FAM13C: variants seen among roughly 807,000 people sequenced by gnomAD.
The protein encoded by FAM13C is protein FAM13C.
A neutral mutation model predicts 73.2 loss-of-function variants in FAM13C; 37 were observed. The ratio of observed to expected loss-of-function variants is 0.51; its 90% CI spans 0.39 to 0.67. The LOEUF (loss-of-function observed/expected upper bound fraction) is 0.67, where lower values mean the gene tolerates loss of function less well. Among genes scored for constraint, FAM13C ranks in the 30% least tolerant of loss-of-function variants. The pLI, the probability that FAM13C is intolerant of heterozygous loss-of-function variation, is 0.00. For missense variants in FAM13C, 589 were observed against 715.6 expected, an observed-to-expected ratio of 0.82 and a Z score of 2.02; for synonymous variants, 246 against 260.9, an observed-to-expected ratio of 0.94 and a Z score of 0.55.
chr10:59,299,241 ATTAT>A (rs1420585529), intron 5 of FAM13C, among the ~76,000 whole-genome samples: 2 of 152,164 alleles, frequency 1.3e-5, no homozygotes, highest in African/African-American at 2.4e-5. Flanking sequence ...ATGTACAATT[ATTAT>A]TTGTCATTTA....
At chr10:59,323,120 A>G (rs1411604711) in intron 4 of FAM13C, 8 of 152,354 alleles carry the variant, frequency 5.3e-5, no homozygotes, top group South Asian at 2.1e-4. Flanking sequence ...CCTTAGAAAA[A>G]CAATTCTAAA....
chr10:59,291,952 C>T lies in FAM13C; in HGVS notation c.508-8505G>A, dbSNP rs545291884. Among the ~76,000 whole-genome samples, 37 of 151,856 alleles carry T rather than the reference C, an allele frequency of 2.4e-4. 2 individuals are homozygous for T. The East Asian group carries it at 5.2e-3, about 22-fold the overall frequency. On this transcript the variant is annotated intron_variant, in intron 5 of 13. Transcript: ENST00000618804. ...TACAGGCGCCCACCATCACGCCTGG[C>T]GAATTTTTTATATTTTTAGTAGAGG...
chr10:59,259,434 T>C (rs1277472682), intron 10 of FAM13C, among the ~76,000 whole-genome samples: 2 of 152,208 alleles, frequency 1.3e-5, no homozygotes, highest in Admixed American at 1.3e-4. Context: ...GAAATGCTAT[T>C]GAGCTCATTG....
intron 5 of FAM13C, among the ~76,000 whole-genome samples, chr10:59,291,507 T>C (rs1294440445): frequency 6.6e-6 from 1 of 152,140 alleles, no homozygotes; most frequent in Non-Finnish European, 1.5e-5. Flanking sequence ...AGAAATTCAA[T>C]GTAGGAGAGC....
intron 6 of FAM13C, among the ~76,000 whole-genome samples, chr10:59,275,611 G>T (rs1440472953): frequency 1.3e-5 from 2 of 152,182 alleles, no homozygotes; most frequent in Non-Finnish European, 1.5e-5. Context: ...ACCTAAAACT[G>T]TTCTGAAAAA....
chr10:59,336,667 G>A (rs1852761265), intron 3 of FAM13C, among the ~76,000 whole-genome samples: 1 of 152,210 alleles, frequency 6.6e-6, no homozygotes, highest in Non-Finnish European at 1.5e-5. Flanking sequence ...CCTCCAATGG[G>A]AAATTCTCCA....
intron 13 of FAM13C, among the ~76,000 whole-genome samples, chr10:59,248,247 T>G (rs1427644203): frequency 6.6e-6 from 1 of 152,184 alleles, no homozygotes; most frequent in Non-Finnish European, 1.5e-5. Flanking sequence ...TTCCAGATTT[T>G]CTTGTAATTA....
chr10:59,283,866 G>A (rs965827939), intron 5 of FAM13C, among the ~76,000 whole-genome samples: 3 of 152,134 alleles, frequency 2.0e-5, no homozygotes, highest in African/African-American at 7.2e-5. Context: ...ACATCAGGAA[G>A]CAGAAGACAT....
chr10:59,319,099 ACACACACACACACACACACATT>A (rs1849883109), intron 4 of FAM13C, among the ~76,000 whole-genome samples: 1 of 150,366 alleles, frequency 6.7e-6, no homozygotes, highest in African/African-American at 2.5e-5. Flanking sequence ...ACACACACAC[ACACACACACACACACACACATT>A]GTCTATCTCA....
intron 5 of FAM13C, among the ~76,000 whole-genome samples, chr10:59,287,017 G>C (rs996666463): frequency 1.2e-4 from 15 of 122,502 alleles, no homozygotes; most frequent in African/African-American, 4.9e-4. Context: ...CTGGGCAATA[G>C]AGCGAGACTC....
At chr10:59,307,639 T>A (rs1305199659) in intron 4 of FAM13C, among the ~76,000 whole-genome samples, 1 of 152,178 alleles carries the variant, frequency 6.6e-6, no homozygotes, top group Non-Finnish European at 1.5e-5. Context: ...TAAAATAAAG[T>A]CTGCCCTTGT....
chr10:59,340,648 C>T (rs1258278589), intron 3 of FAM13C, among the ~76,000 whole-genome samples: 2 of 151,894 alleles, frequency 1.3e-5, no homozygotes, highest in Non-Finnish European at 2.9e-5. Context: ...CTTTTTTTCT[C>T]TATTTCCATC....
chr10:59,312,579 C>T (rs1849059752), intron 4 of FAM13C, among the ~76,000 whole-genome samples: 1 of 152,152 alleles, frequency 6.6e-6, no homozygotes, highest in East Asian at 1.9e-4. Context: ...TGGTTTTCTT[C>T]TAGACTTAGA....
Position 59,352,448 on chromosome 10 carries a change from G to C in FAM13C, c.146C>G (p.Pro49Arg). ...LRDENNKENYPDAGALVEEHA... is the reference protein window; with the variant it reads ...LRDENNKENYRDAGALVEEHA... ...CTCTTCTACCAGAGCCCCTGCGTCG[G>C]GGTAGTTCTCTTTATTGTTTTCATC... is the stretch of plus-strand genomic sequence containing the variant. Residue 49 changes from proline (P) to arginine (R), a missense_variant, in exon 3 of 14, where the codon CCC (proline) becomes CGC (arginine). By Grantham distance (103) the Pro-to-Arg change is moderately radical. Coordinates refer to ENST00000618804, the MANE Select transcript of FAM13C (RefSeq NM_198215.4). 1 of 1,611,972 alleles carries C rather than the reference G, an allele frequency of 6.2e-7. No homozygotes were observed. The highest frequency in any genetic ancestry group is 8.5e-7 in the Non-Finnish European group (1 of 1,179,306).
chr10:59,247,493 C>A lies in FAM13C; in HGVS notation c.*121G>T. ...ACTTGCTATTCCTTCTTAAAAACAGCTAATACTACCACTAAAGTGCTTCCA... is the reference window on the plus strand; with the variant it reads ...ACTTGCTATTCCTTCTTAAAAACAGATAATACTACCACTAAAGTGCTTCCA... On this transcript the variant is annotated 3_prime_UTR_variant, in exon 14 of 14. Transcript: ENST00000618804. The A allele has an allele frequency of 3.3e-6, 4 of 1,220,812 alleles. No homozygotes were observed. The South Asian group carries it at 5.2e-5, about 16-fold the overall frequency. The allele number at this position is 1,220,812 out of a possible 1,614,324, so 75.6% of individuals were successfully genotyped here.
chr10:59,338,705 T>C (rs1160859330), intron 3 of FAM13C, among the ~76,000 whole-genome samples: 13 of 152,198 alleles, frequency 8.5e-5, no homozygotes, highest in Non-Finnish European at 1.8e-4. Context: ...CATACCATTG[T>C]GTAGTCACTG....
At chr10:59,268,435 C>T in intron 8 of FAM13C, 118 bp downstream of exon 8, 1 of 1,353,582 alleles carries the variant, frequency 7.4e-7, no homozygotes, top group Non-Finnish European at 1.0e-6. Context: ...CAGGTTGGCC[C>T]ATGGGAACAG....
intron 3 of FAM13C, among the ~76,000 whole-genome samples, chr10:59,329,938 G>A (rs557891447): frequency 6.6e-6 from 1 of 152,284 alleles, no homozygotes; most frequent in Admixed American, 6.5e-5. Context: ...AGGCCAGAAA[G>A]ATTGCCTTTT....
intron 6 of FAM13C, among the ~76,000 whole-genome samples, chr10:59,271,728 G>A (rs1265080560): frequency 1.3e-5 from 2 of 152,176 alleles, no homozygotes; most frequent in South Asian, 2.1e-4. Context: ...ACCAGTAGGT[G>A]TATGGGTTCC....
Sources: allele counts gnomAD v4.1 joint callset (sites outside exome capture counted in the v4.1 genomes callset), GRCh38; gene constraint gnomAD v4.1.1; transcripts MANE v1.5; gene names NCBI Gene and HGNC (gene_info 2026-07-23, HGNC 2026-07-21).